The following NYAP2 variants were observed in gnomAD, a reference collection of about 807,000 sequenced individuals.
The protein encoded by NYAP2 is neuronal tyrosine-phosphorylated phosphoinositide-3-kinase adaptor 2.
Under a neutral mutation model 50.4 loss-of-function variants are expected in NYAP2, and 23 were observed. The observed-to-expected ratio is 0.46, with a 90% confidence interval of 0.33 to 0.65. The LOEUF is 0.65. Among genes scored for constraint, NYAP2 ranks in the 30% least tolerant of loss-of-function variants. The pLI is 0.02. For missense variants in NYAP2, 885 were observed against 861.0 expected, an observed-to-expected ratio of 1.03 and a Z score of -0.35; for synonymous variants, 394 against 365.2, an observed-to-expected ratio of 1.08 and a Z score of -0.90.
chr2:225,602,629 G>A (rs1473353918), intron 5 of NYAP2, among the ~76,000 whole-genome samples: 1 of 152,022 alleles, frequency 6.6e-6, no homozygotes, highest in Non-Finnish European at 1.5e-5. Flanking sequence ...CACATTTTGG[G>A]TTAATTTTTA....
chr2:225,535,898 A>C lies in NYAP2; in HGVS notation c.523+22226A>C, dbSNP rs147695996. Among the ~76,000 whole-genome samples, 785 of 152,302 alleles carry C rather than the reference A, an allele frequency of 5.2e-3. 11 individuals are homozygous for C. The highest frequency in any genetic ancestry group is 0.018 in the African/African-American group (753 of 41,566). ...GATAGATAGATATAGATATATCTAG[A>C]ATATGTGTGTCTTATCCATAAAAAT... On this transcript the variant is annotated intron_variant, in intron 4 of 6. Coordinates refer to ENST00000636099, the Ensembl canonical transcript of NYAP2.
chr2:225,661,726 C>CT, the NYAP2 span, among the ~76,000 whole-genome samples: 86,004 of 145,086 alleles, frequency 0.59, 27,140 homozygotes, highest in South Asian at 0.82. Flanking sequence ...TTTGCTCTCT[C>CT]TTTTTTTTTT....
intron 5 of NYAP2, among the ~76,000 whole-genome samples, chr2:225,615,495 T>G (rs1692972358): frequency 6.6e-6 from 1 of 152,194 alleles, no homozygotes; most frequent in Non-Finnish European, 1.5e-5. Context: ...AGGCCAGACA[T>G]GGTCTTAAAA....
chr2:225,426,669 C>T (rs1011079087), intron 3 of NYAP2, among the ~76,000 whole-genome samples: 1 of 152,124 alleles, frequency 6.6e-6, no homozygotes, highest in African/African-American at 2.4e-5. Context: ...TGAAACGATT[C>T]TTTTGGCTTG....
intron 5 of NYAP2, 77 bp downstream of exon 5, chr2:225,583,112 A>T (rs1692328408): frequency 6.7e-7 from 1 of 1,496,034 alleles, no homozygotes; most frequent in Non-Finnish European, 9.0e-7. Flanking sequence ...TTGTGTGCAG[A>T]TAACGCACAG....
At chr2:225,490,283 A>G (rs1202518796) in intron 3 of NYAP2, among the ~76,000 whole-genome samples, 1 of 152,132 alleles carries the variant, frequency 6.6e-6, no homozygotes, top group Non-Finnish European at 1.5e-5. Flanking sequence ...TTCCACATGC[A>G]ATATTGTCCC....
chr2:225,634,053 G>T (rs1390055104), intron 6 of NYAP2, among the ~76,000 whole-genome samples: 1 of 152,144 alleles, frequency 6.6e-6, no homozygotes, highest in Non-Finnish European at 1.5e-5. Flanking sequence ...CCTGGACAAG[G>T]AAATGCTAGC....
chr2:225,562,838 GC>G (rs1691898951), intron 4 of NYAP2, among the ~76,000 whole-genome samples: 2 of 152,156 alleles, frequency 1.3e-5, no homozygotes, highest in South Asian at 4.1e-4. Context: ...TACCTAAATT[GC>G]CAGCTTAGCT....
chr2:225,647,983 C>CGTATATAT (rs112987963), intron 6 of NYAP2, among the ~76,000 whole-genome samples: 5 of 151,850 alleles, frequency 3.3e-5, no homozygotes, highest in Admixed American at 3.3e-4. Context: ...TGTGTGTGTG[C>CGTATATAT]ATATGTATGT....
chr2:225,514,309 A>G (rs1370964759), intron 4 of NYAP2, among the ~76,000 whole-genome samples: 1 of 152,240 alleles, frequency 6.6e-6, no homozygotes, highest in Non-Finnish European at 1.5e-5. Context: ...TGAATTTAGT[A>G]GAGTCTCAGC....
At chr2:225,530,560 A>C (rs12053018) in intron 4 of NYAP2, among the ~76,000 whole-genome samples, 56,128 of 151,846 alleles carry the variant, frequency 0.37, 10,883 homozygotes, top group African/African-American at 0.49. Context: ...TTACTACTCT[A>C]TTTGTCTCCT....
intron 5 of NYAP2, among the ~76,000 whole-genome samples, chr2:225,597,480 C>A (rs1193845731): frequency 1.4e-5 from 1 of 71,110 alleles, no homozygotes; most frequent in Non-Finnish European, 3.1e-5. Flanking sequence ...TTATTTCATT[C>A]CTTTTTATGG....
At chr2:225,450,276 G>A (rs903367737) in intron 3 of NYAP2, among the ~76,000 whole-genome samples, 1 of 152,168 alleles carries the variant, frequency 6.6e-6, no homozygotes, top group African/African-American at 2.4e-5. Flanking sequence ...AAAATACCCA[G>A]CTGGAAAGAA....
At chr2:225,685,308 T>C in the NYAP2 span, among the ~76,000 whole-genome samples, 2 of 152,158 alleles carry the variant, frequency 1.3e-5, no homozygotes, top group Admixed American at 1.3e-4. Flanking sequence ...TATAATGAAA[T>C]TAAACTTGAA....
intron 3 of NYAP2, among the ~76,000 whole-genome samples, chr2:225,437,608 C>A (rs1046304084): frequency 6.6e-6 from 1 of 152,292 alleles, no homozygotes; most frequent in Admixed American, 6.5e-5. Context: ...AAGAAGGGCA[C>A]CTCTCCACCA....
intron 4 of NYAP2, among the ~76,000 whole-genome samples, chr2:225,535,403 G>A (rs1189514661): frequency 1.3e-5 from 2 of 152,202 alleles, no homozygotes; most frequent in East Asian, 3.8e-4. Flanking sequence ...GACGTATGTA[G>A]ATATCTTGTA....
At chr2:225,675,892 T>A in the NYAP2 span, among the ~76,000 whole-genome samples, 1 of 152,172 alleles carries the variant, frequency 6.6e-6, no homozygotes, top group African/African-American at 2.4e-5. Context: ...TCTCTGATGA[T>A]TAGCGATCTT....
At chr2:225,554,499 A>T (rs1691739354) in intron 4 of NYAP2, among the ~76,000 whole-genome samples, 1 of 151,328 alleles carries the variant, frequency 6.6e-6, no homozygotes, top group Non-Finnish European at 1.5e-5. Flanking sequence ...TTTTTTTTGT[A>T]CTTTTAGTAG....
At chr2:225,570,629 C>T (rs1439569888) in intron 4 of NYAP2, among the ~76,000 whole-genome samples, 2 of 152,050 alleles carry the variant, frequency 1.3e-5, no homozygotes, top group African/African-American at 2.4e-5. Context: ...AAACTGCCCC[C>T]AATATTCAAT....
Sources: allele counts gnomAD v4.1 joint callset (sites outside exome capture counted in the v4.1 genomes callset), GRCh38; gene constraint gnomAD v4.1.1; transcripts MANE v1.5; gene names NCBI Gene and HGNC (gene_info 2026-07-23, HGNC 2026-07-21).